NTM: variants seen among roughly 807,000 people sequenced by gnomAD.
The protein encoded by NTM is IgLON family member 2.
In NTM, 13 loss-of-function variants were observed where a neutral mutation model predicts 42.1. The ratio of observed to expected loss-of-function variants is 0.31; its 90% CI spans 0.20 to 0.49. The LOEUF (loss-of-function observed/expected upper bound fraction) is 0.49. NTM is among the 20% of genes least tolerant of loss of function. NTM has a pLI of 0.99. For missense variants in NTM, 373 were observed against 452.8 expected, an observed-to-expected ratio of 0.82 and a Z score of 1.60; for synonymous variants, 187 against 179.2, an observed-to-expected ratio of 1.04 and a Z score of -0.35.
chr11:132,138,733 G>A (rs559115027), intron 2 of NTM, among the ~76,000 whole-genome samples: 1 of 152,140 alleles, frequency 6.6e-6, no homozygotes, highest in Non-Finnish European at 1.5e-5. Flanking sequence ...GGAGAGGAAT[G>A]TCCCAGCTCA....
In NTM at chr11:131,425,453, C is replaced by A. The variant is rs551496049; in HGVS notation, c.82+54565C>A. Among the ~76,000 whole-genome samples the A allele has an allele frequency of 8.5e-5, 13 of 152,266 alleles. No individual in the cohort carries two copies. The East Asian group carries it at 1.5e-3, about 18-fold the overall frequency. ...AATAATATACACATTAAAAGCCCAA[C>A]AACATGATAACGGGAACTTAGAACT... On this transcript the variant is annotated intron_variant, in intron 1 of 8. Coordinates refer to ENST00000683400, the MANE Select transcript of NTM (RefSeq NM_001352005.2).
intron 3 of NTM, among the ~76,000 whole-genome samples, chr11:132,168,484 C>A (rs1010925053): frequency 6.6e-6 from 1 of 152,190 alleles, no homozygotes; most frequent in African/African-American, 2.4e-5. Flanking sequence ...TCAATGAGAC[C>A]TGCAATTGTC....
intron 4 of NTM, among the ~76,000 whole-genome samples, chr11:132,234,591 T>C (rs899894726): frequency 6.6e-6 from 1 of 152,170 alleles, no homozygotes; most frequent in African/African-American, 2.4e-5. Context: ...CTTAGGTATC[T>C]CCTCAGGACC....
chr11:131,443,600 A>G (rs1949793464), intron 1 of NTM, among the ~76,000 whole-genome samples: 2 of 152,148 alleles, frequency 1.3e-5, no homozygotes, highest in African/African-American at 4.8e-5. Flanking sequence ...AGTGGTCCCC[A>G]TTGACTGATC....
At chr11:131,473,411 G>A (rs1180236434) in intron 1 of NTM, among the ~76,000 whole-genome samples, 1 of 152,144 alleles carries the variant, frequency 6.6e-6, no homozygotes, top group Non-Finnish European at 1.5e-5. Flanking sequence ...ATAGGTGAAG[G>A]CGTATTCATC....
chr11:131,450,340 A>T (rs1169078803), intron 1 of NTM, among the ~76,000 whole-genome samples: 1 of 152,132 alleles, frequency 6.6e-6, no homozygotes, highest in Non-Finnish European at 1.5e-5. Context: ...CGTGGCTTCC[A>T]CCCACCATCT....
chr11:131,948,100 G>A (rs1414144055), intron 2 of NTM, among the ~76,000 whole-genome samples: 1 of 152,054 alleles, frequency 6.6e-6, no homozygotes, highest in Non-Finnish European at 1.5e-5. Flanking sequence ...AGTGGCTCAC[G>A]CCTGTAATCC....
intron 1 of NTM, among the ~76,000 whole-genome samples, chr11:131,845,646 C>T (rs1015850714): frequency 1.3e-5 from 2 of 150,388 alleles, no homozygotes; most frequent in Non-Finnish European, 2.9e-5. Context: ...ATCTCTGGAA[C>T]GTAAACCAAC....
At chr11:131,460,833 C>A (rs548434069) in intron 1 of NTM, among the ~76,000 whole-genome samples, 12 of 152,206 alleles carry the variant, frequency 7.9e-5, no homozygotes, top group Non-Finnish European at 5.9e-5. Context: ...GAATTACAGG[C>A]GTGAACCACC....
At chr11:131,574,952 A>T (rs943955905) in intron 1 of NTM, among the ~76,000 whole-genome samples, 2 of 152,146 alleles carry the variant, frequency 1.3e-5, no homozygotes, top group African/African-American at 4.8e-5. Flanking sequence ...AAAACCCCCT[A>T]CTTGGCTGTG....
At chr11:131,984,523 GTTC>G (rs1478722342) in intron 2 of NTM, 11 of 152,300 alleles carry the variant, frequency 7.2e-5, no homozygotes, top group African/African-American at 2.6e-4. Context: ...ACACTGGATA[GTTC>G]TTCTTTGTTC....
chr11:131,856,276 A>G (rs2046088193), intron 1 of NTM, among the ~76,000 whole-genome samples: 1 of 152,210 alleles, frequency 6.6e-6, no homozygotes, highest in Non-Finnish European at 1.5e-5. Context: ...AAAACATCAT[A>G]TATAATGACT....
rs567287644 is a variant in NTM at position 132,075,376 on chromosome 11, T to G, written c.168-70906T>G. ...ATACATATTAAAATGTGAAAACATA[T>G]TTTGTAAAACTAAGGTGCAACAATA... is the stretch of plus-strand genomic sequence containing the variant. On this transcript the variant is annotated intron_variant, in intron 2 of 8. Coordinates refer to ENST00000683400, the MANE Select transcript of NTM (RefSeq NM_001352005.2). Among the ~76,000 whole-genome samples the G allele has an allele frequency of 3.3e-5, 5 of 152,348 alleles. No individual in the cohort carries two copies. In the East Asian group the frequency reaches 9.6e-4, roughly 29 times the overall value.
At chr11:131,578,302 AG>A (rs2137152234) in intron 1 of NTM, among the ~76,000 whole-genome samples, 1 of 152,372 alleles carries the variant, frequency 6.6e-6, no homozygotes, top group African/African-American at 2.4e-5. Context: ...ATTCAAATAT[AG>A]GTTTATGTCA....
intron 1 of NTM, among the ~76,000 whole-genome samples, chr11:131,546,219 G>T (rs566651459): frequency 6.6e-6 from 1 of 152,066 alleles, no homozygotes; most frequent in African/African-American, 2.4e-5. Flanking sequence ...CTATCCCTTC[G>T]CTTTAAAATA....
chr11:132,151,769 T>C (rs1023278601), intron 3 of NTM, among the ~76,000 whole-genome samples: 18 of 152,154 alleles, frequency 1.2e-4, no homozygotes, highest in Admixed American at 3.3e-4. Context: ...CAAATGTCTA[T>C]GGAATAGGGC....
At chr11:131,768,258 A>G (rs1392699481) in intron 1 of NTM, among the ~76,000 whole-genome samples, 1 of 151,604 alleles carries the variant, frequency 6.6e-6, no homozygotes, top group Non-Finnish European at 1.5e-5. Context: ...AGCTGGGATT[A>G]TAGGCATGCG....
intron 1 of NTM, among the ~76,000 whole-genome samples, chr11:131,501,050 C>A (rs949686847): frequency 1.5e-4 from 23 of 151,882 alleles, no homozygotes; most frequent in African/African-American, 5.6e-4. Flanking sequence ...GGTCTGACTT[C>A]CAGACCTGCC....
At chr11:131,616,778 G>GTGTGTGTGT (rs1555166353) in intron 1 of NTM, among the ~76,000 whole-genome samples, 6,310 of 141,874 alleles carry the variant, frequency 0.044, 381 homozygotes, top group African/African-American at 0.13. Flanking sequence ...GTCTTGAGGG[G>GTGTGTGTGT]GTGTGTGTGT....
Sources: gnomAD v4.1 joint callset for allele counts (sites outside exome capture counted in the v4.1 genomes callset) on GRCh38, gnomAD v4.1.1 for gene constraint, MANE v1.5 for transcripts, NCBI Gene and HGNC (gene_info 2026-07-23, HGNC 2026-07-21) for gene names.